TRAPPC9: variants seen among roughly 807,000 people sequenced by gnomAD.
TRAPPC9 encodes the protein trafficking protein particle complex subunit 9.
Under a neutral mutation model 124.0 loss-of-function variants are expected in TRAPPC9, and 83 were observed. The observed-to-expected ratio is 0.67, with a 90% CI of 0.56 to 0.80. The LOEUF is 0.80. Among genes scored for constraint, TRAPPC9 ranks in the 30% least tolerant of loss-of-function variants. The pLI is 0.00. For missense variants in TRAPPC9, 1,302 were observed against 1,508.3 expected (o/e 0.86, Z 2.27); for synonymous variants, 638 against 617.5 (o/e 1.03, Z -0.49).
intron 4 of TRAPPC9, among the ~76,000 whole-genome samples, chr8:140,431,186 G>A (rs2070630412): frequency 6.6e-6 from 1 of 151,930 alleles, no homozygotes; most frequent in Non-Finnish European, 1.5e-5. Flanking sequence ...GCCGGGCGCG[G>A]TGGCTCACGC....
chr8:139,782,256 T>C (rs1174459599), intron 21 of TRAPPC9, among the ~76,000 whole-genome samples: 1 of 152,096 alleles, frequency 6.6e-6, no homozygotes, highest in Non-Finnish European at 1.5e-5. Context: ...GGCATGCACC[T>C]GTAGTCCCAG....
intron 21 of TRAPPC9, among the ~76,000 whole-genome samples, chr8:139,820,856 T>C (rs1425823975): frequency 6.6e-6 from 1 of 152,250 alleles, no homozygotes; most frequent in Non-Finnish European, 1.5e-5. Context: ...AACAAGGATC[T>C]ATCTTATTGT....
chr8:139,827,313 C>T (rs1481305137), intron 21 of TRAPPC9, among the ~76,000 whole-genome samples: 1 of 152,196 alleles, frequency 6.6e-6, no homozygotes, highest in Non-Finnish European at 1.5e-5. Flanking sequence ...CTGGCACATG[C>T]TAGACGTCAT....
At chr8:140,351,337 T>C (rs1390271787) in intron 9 of TRAPPC9, among the ~76,000 whole-genome samples, 2 of 149,280 alleles carry the variant, frequency 1.3e-5, no homozygotes, top group African/African-American at 4.9e-5. Context: ...ATTGAAAATA[T>C]TTGGGGGAAA....
chr8:140,402,898 T>C (rs570905638), intron 6 of TRAPPC9, among the ~76,000 whole-genome samples: 1 of 152,070 alleles, frequency 6.6e-6, no homozygotes, highest in Non-Finnish European at 1.5e-5. Flanking sequence ...AATGAGGTAA[T>C]GACCTGGAAA....
intron 17 of TRAPPC9, among the ~76,000 whole-genome samples, chr8:140,183,281 T>C (rs2062249081): frequency 6.6e-6 from 1 of 152,182 alleles, no homozygotes; most frequent in South Asian, 2.1e-4. Flanking sequence ...TGTGTACAGA[T>C]AAACTGGAAC....
chr8:139,918,472 T>A (rs1163677654), intron 19 of TRAPPC9, among the ~76,000 whole-genome samples: 1 of 152,202 alleles, frequency 6.6e-6, no homozygotes, highest in African/African-American at 2.4e-5. Context: ...TGCACTGAGT[T>A]CATATGAGTG....
At chr8:140,366,523 GC>G (rs775634615) in intron 8 of TRAPPC9, among the ~76,000 whole-genome samples, 9 of 152,002 alleles carry the variant, frequency 5.9e-5, no homozygotes, top group Non-Finnish European at 1.2e-4. Flanking sequence ...ACATCCACAA[GC>G]AAAAAAATAA....
chr8:140,115,394 G>A (rs770127408), intron 17 of TRAPPC9, among the ~76,000 whole-genome samples: 6 of 151,920 alleles, frequency 3.9e-5, no homozygotes, highest in Admixed American at 2.0e-4. Context: ...AGCCTCCAGA[G>A]GAGCTGGGAT....
intron 17 of TRAPPC9, among the ~76,000 whole-genome samples, chr8:140,078,108 C>G (rs1263512880): frequency 1.3e-5 from 2 of 152,342 alleles, no homozygotes; most frequent in East Asian, 3.9e-4. Context: ...GAAAGAAAAA[C>G]TGTCCCAGAA....
rs117906237 is a variant in TRAPPC9, at chr8:140,199,741, T to A, written c.2556+21718A>T. ...TCCATTTTTTTATTGCAGACTCTTA[T>A]GAGCTTAAAAAAACACTTTTGAGAA... On this transcript the variant is annotated intron_variant, in intron 17 of 22. Coordinates refer to ENST00000438773, the MANE Select transcript of TRAPPC9 (RefSeq NM_001160372.4). 2.6e-3 allele frequency among the ~76,000 whole-genome samples: 391 copies of A among 152,298 alleles called. 8 individuals carry two copies. The highest frequency in any genetic ancestry group is 0.017 in the East Asian group (89 of 5,186).
chr8:140,068,202 C>A (rs1842974278), intron 17 of TRAPPC9, among the ~76,000 whole-genome samples: 1 of 152,160 alleles, frequency 6.6e-6, no homozygotes, highest in African/African-American at 2.4e-5. Context: ...GCAGAGCTGC[C>A]TGGGGAAGTG....
Position 139,728,568 on chromosome 8 carries a change from C to G in TRAPPC9, c.*2493G>C, listed in dbSNP as rs1817664482. Among the ~76,000 whole-genome samples, 1 of 152,196 alleles carries G rather than the reference C, an allele frequency of 6.6e-6. No individual in the cohort carries two copies. The highest frequency in any genetic ancestry group is 1.5e-5 in the Non-Finnish European group (1 of 68,042). On this transcript the variant is annotated 3_prime_UTR_variant, in exon 23 of 23. Coordinates refer to ENST00000438773, the MANE Select transcript of TRAPPC9 (RefSeq NM_001160372.4). ...AGCTCCACAGCCAGAAAGACCCAGCCACAGAAATGCCAGCAAACAACACCC... is the reference window on the plus strand; with the variant it reads ...AGCTCCACAGCCAGAAAGACCCAGCGACAGAAATGCCAGCAAACAACACCC...
At chr8:140,010,748 A>C (rs1161654460) in intron 18 of TRAPPC9, among the ~76,000 whole-genome samples, 2 of 152,248 alleles carry the variant, frequency 1.3e-5, no homozygotes, top group Non-Finnish European at 2.9e-5. Flanking sequence ...TAAATTATGG[A>C]GGAAGATTCC....
In TRAPPC9 at chr8:140,087,261, G is replaced by T. The variant is rs182868452; in HGVS notation, c.2557-63182C>A. 1.4e-4 allele frequency among the ~76,000 whole-genome samples: 22 copies of T among 151,878 alleles called. No homozygotes were observed. Among genetic ancestry groups the T allele is most frequent in the Admixed American group, 9.8e-4 (15 of 15,252 alleles). ...CTCTGTCTCCCGTGCCCTCCCCCCG[G>T]CCCCATCACCCTGCAGATGTCGGGG... On this transcript the variant is annotated intron_variant, in intron 17 of 22. Coordinates refer to ENST00000438773, the MANE Select transcript of TRAPPC9 (RefSeq NM_001160372.4). The surrounding 1 kb of genome is among the most constrained non-coding windows in gnomAD (Gnocchi z 4.6).
chr8:140,022,768 G>A (rs1386321457), intron 18 of TRAPPC9, among the ~76,000 whole-genome samples: 3 of 152,146 alleles, frequency 2.0e-5, no homozygotes, highest in Non-Finnish European at 4.4e-5. Context: ...AAACAGAGGC[G>A]GGTCTTGGCA....
At chr8:140,129,535 G>A (rs1587769970) in intron 17 of TRAPPC9, among the ~76,000 whole-genome samples, 1 of 152,176 alleles carries the variant, frequency 6.6e-6, no homozygotes, top group Admixed American at 6.5e-5. Flanking sequence ...CCGGCACGGG[G>A]GATGGAACCC....
At chr8:140,025,556 AG>A (rs1386941521) in intron 17 of TRAPPC9, among the ~76,000 whole-genome samples, 1 of 137,540 alleles carries the variant, frequency 7.3e-6, no homozygotes, top group African/African-American at 2.8e-5. Context: ...CAAAAGCATA[AG>A]CAAAATGCAA....
chr8:140,197,380 G>A (rs1349049030), intron 17 of TRAPPC9, among the ~76,000 whole-genome samples: 1 of 152,352 alleles, frequency 6.6e-6, no homozygotes, highest in Admixed American at 6.5e-5. Flanking sequence ...AAAGAGGGCA[G>A]GGCAGGCGCC....
Sources: gnomAD v4.1 joint callset for allele counts (sites outside exome capture counted in the v4.1 genomes callset) on GRCh38, gnomAD v4.1.1 for gene constraint, Gnocchi (gnomAD v3.1) non-coding constraint, MANE v1.5 for transcripts, NCBI Gene and HGNC (gene_info 2026-07-23, HGNC 2026-07-21) for gene names.